OR1J2: variants seen among roughly 807,000 people sequenced by gnomAD.
OR1J2 encodes the protein olfactory receptor family 1 subfamily J member 2, also known as olfactory receptor 1J2.
For synonymous variants in OR1J2, 142 were observed against 99.7 expected (o/e 1.42, Z -2.52); for missense variants, 304 against 246.1 (o/e 1.24, Z -1.57).
At chr9:122,481,766 A>G in the OR1J2 span, among the ~76,000 whole-genome samples, 7 of 152,228 alleles carry the variant, frequency 4.6e-5, no homozygotes, top group Non-Finnish European at 8.8e-5. Flanking sequence ...ATTGGGAAGG[A>G]TAGTCTCTTC....
chr9:122,562,461 G>A, the OR1J2 span, among the ~76,000 whole-genome samples: 1 of 152,214 alleles, frequency 6.6e-6, no homozygotes, highest in African/African-American at 2.4e-5. Context: ...GGGCTCTCAA[G>A]TGGGATCTTC....
At chr9:122,492,690 A>C in the OR1J2 span, among the ~76,000 whole-genome samples, 1 of 151,718 alleles carries the variant, frequency 6.6e-6, no homozygotes, top group African/African-American at 2.4e-5. Flanking sequence ...CTCTTTACTG[A>C]TTTTACTATT....
the OR1J2 span, among the ~76,000 whole-genome samples, chr9:122,548,176 C>T: frequency 6.6e-6 from 1 of 152,110 alleles, no homozygotes; most frequent in South Asian, 2.1e-4. Context: ...TCCAAGGATG[C>T]AGTTAGAGTT....
chr9:122,512,751 G>A (rs1165374744), downstream of OR1J2, among the ~76,000 whole-genome samples: 1 of 152,022 alleles, frequency 6.6e-6, no homozygotes, highest in Non-Finnish European at 1.5e-5. Flanking sequence ...GCCAAAGTTT[G>A]GAAAAAAATT....
chr9:122,504,844 A>G, the OR1J2 span, among the ~76,000 whole-genome samples: 7 of 152,192 alleles, frequency 4.6e-5, no homozygotes, highest in African/African-American at 1.4e-4. Context: ...GACTGTGTCT[A>G]TTCAATCTGC....
At chr9:122,459,783 A>G in the OR1J2 span, among the ~76,000 whole-genome samples, 1 of 152,024 alleles carries the variant, frequency 6.6e-6, no homozygotes, top group Non-Finnish European at 1.5e-5. Context: ...TGAGATTTTG[A>G]TGCATCTATT....
At chr9:122,498,623 C>A in the OR1J2 span, among the ~76,000 whole-genome samples, 1 of 152,098 alleles carries the variant, frequency 6.6e-6, no homozygotes, top group South Asian at 2.1e-4. Flanking sequence ...TTTTATCTGT[C>A]ATTTCTGAGA....
the OR1J2 span, among the ~76,000 whole-genome samples, chr9:122,558,893 T>C: frequency 6.6e-6 from 1 of 152,072 alleles, no homozygotes; most frequent in Non-Finnish European, 1.5e-5. Flanking sequence ...GGAAGTTTCA[T>C]ATCTTTTTAA....
the OR1J2 span, among the ~76,000 whole-genome samples, chr9:122,466,177 C>T: frequency 3.3e-5 from 5 of 151,998 alleles, no homozygotes; most frequent in African/African-American, 9.7e-5. Flanking sequence ...CAAGAATACC[C>T]CAAAAGACTA....
the OR1J2 span, chr9:122,477,356 C>A: frequency 6.2e-7 from 1 of 1,614,092 alleles, no homozygotes. Context: ...AGGGAGGTGT[C>A]TGAGCAGGAC....
At chr9:122,519,288 C>T in the OR1J2 span, 52 of 1,614,000 alleles carry the variant, frequency 3.2e-5, no homozygotes, top group South Asian at 3.0e-4. Context: ...CCTGCTCATC[C>T]GGCTGGACTC....
rs201234508 is a variant in OR1J2 at position 122,511,028 on chromosome 9, T to C, written c.227T>C (p.Val76Ala). ...CTCACTGACATCTCCTTTTCATCTGTCACTGTCCCTAAGATGCTGATGGAC... is the reference window on the plus strand; with the variant it reads ...CTCACTGACATCTCCTTTTCATCTGCCACTGTCCCTAAGATGCTGATGGAC... Reference protein sequence around the residue: ...LALTDISFSSVTVPKMLMDMR... With the variant: ...LALTDISFSSATVPKMLMDMR... Residue 76 changes from valine to alanine, a missense_variant, in exon 1 of 1, where the codon GTC becomes GCC. Physicochemically the swap from Val to Ala is moderately conservative, Grantham distance 64. Coordinates refer to ENST00000335302, the MANE Select transcript of OR1J2 (RefSeq NM_054107.1). 7.0e-6 allele frequency: 11 copies of C among 1,567,536 alleles called. No individual in the cohort carries two copies. In the African/African-American group the frequency reaches 1.3e-4, roughly 19 times the overall value.
chr9:122,533,529 G>T, the OR1J2 span, among the ~76,000 whole-genome samples: 13 of 152,100 alleles, frequency 8.5e-5, no homozygotes, highest in Non-Finnish European at 1.8e-4. Flanking sequence ...GCTTTGAACT[G>T]GGGGAGAAGG....
the OR1J2 span, among the ~76,000 whole-genome samples, chr9:122,493,590 C>G: frequency 1.3e-5 from 2 of 152,188 alleles, no homozygotes; most frequent in East Asian, 3.9e-4. Context: ...GATCTTCTCT[C>G]TTCTTTTCTT....
the OR1J2 span, among the ~76,000 whole-genome samples, chr9:122,482,103 G>A: frequency 3.0e-4 from 46 of 152,094 alleles, no homozygotes; most frequent in Admixed American, 1.2e-3. Flanking sequence ...AAATATTTTC[G>A]AACTGTGTGT....
the OR1J2 span, among the ~76,000 whole-genome samples, chr9:122,525,330 A>G: frequency 6.6e-6 from 1 of 152,208 alleles, no homozygotes; most frequent in African/African-American, 2.4e-5. Context: ...GAAAAAGTGC[A>G]GCAATCATAA....
the OR1J2 span, chr9:122,527,014 C>G: frequency 6.2e-7 from 1 of 1,614,128 alleles, no homozygotes; most frequent in Non-Finnish European, 8.5e-7. Context: ...GTGAGGCAAC[C>G]CGTATAGGAG....
upstream of OR1J2, among the ~76,000 whole-genome samples, chr9:122,506,739 GAGAC>G (rs1187330077): frequency 6.6e-6 from 1 of 152,072 alleles, no homozygotes; most frequent in African/African-American, 2.4e-5. Context: ...CACACACAGA[GAGAC>G]AGAGGAAGAG....
chr9:122,540,357 A>G, the OR1J2 span, among the ~76,000 whole-genome samples: 1 of 152,168 alleles, frequency 6.6e-6, no homozygotes, highest in South Asian at 2.1e-4. Context: ...TCCCAGCACC[A>G]TTTATTAAAT....
Sources: allele counts gnomAD v4.1 joint callset (sites outside exome capture counted in the v4.1 genomes callset), GRCh38; gene constraint gnomAD v4.1.1; transcripts MANE v1.5; gene names NCBI Gene and HGNC (gene_info 2026-07-23, HGNC 2026-07-21).